NEIL3: variants seen among roughly 807,000 people sequenced by gnomAD.
The protein encoded by NEIL3 is endonuclease 8-like 3.
NEIL3 carries 48 observed loss-of-function variants against 57.5 expected under a neutral mutation model. The observed-to-expected ratio is 0.83, with a 90% CI of 0.66 to 1.06. The LOEUF is 1.06. Among genes scored for constraint, NEIL3 ranks in the 50% least tolerant of loss-of-function variants. The probability of loss-of-function intolerance (pLI) is 0.00; values close to 1 mark genes in which losing one functional copy is unlikely to be tolerated. For missense variants in NEIL3, 717 were observed against 739.1 expected (o/e 0.97, Z 0.35); for synonymous variants, 261 against 253.2 (o/e 1.03, Z -0.29).
downstream of NEIL3, among the ~76,000 whole-genome samples, chr4:177,363,971 T>C (rs925447418): frequency 3.9e-5 from 6 of 152,086 alleles, no homozygotes; most frequent in Non-Finnish European, 7.4e-5. Context: ...GCTGGTTTCT[T>C]CTGGGCTCAA....
At chr4:177,368,971 C>A in the NEIL3 span, among the ~76,000 whole-genome samples, 8 of 152,120 alleles carry the variant, frequency 5.3e-5, no homozygotes, top group African/African-American at 1.9e-4. Flanking sequence ...TCTTACAATG[C>A]CCATGACTTT....
At chr4:177,323,133 C>G (rs1284077481) in intron 2 of NEIL3, among the ~76,000 whole-genome samples, 1 of 152,126 alleles carries the variant, frequency 6.6e-6, no homozygotes, top group Non-Finnish European at 1.5e-5. Flanking sequence ...AACCTATTTC[C>G]TTTGTTGACT....
intron 6 of NEIL3, among the ~76,000 whole-genome samples, chr4:177,346,915 T>C (rs1735230983): frequency 6.6e-6 from 1 of 151,652 alleles, no homozygotes; most frequent in Non-Finnish European, 1.5e-5. Context: ...GGCAGGATAA[T>C]TGCTTCAACG....
At chr4:177,335,173 A>G (rs1011185428) in intron 2 of NEIL3, among the ~76,000 whole-genome samples, 1 of 152,230 alleles carries the variant, frequency 6.6e-6, no homozygotes, top group Non-Finnish European at 1.5e-5. Context: ...GGAAAAGAGC[A>G]TCTTAAACCA....
intron 4 of NEIL3, 122 bp downstream of exon 4, chr4:177,336,443 C>T: frequency 1.4e-6 from 1 of 717,126 alleles, no homozygotes; most frequent in Admixed American, 2.8e-5. Flanking sequence ...TGTCCCGCTT[C>T]CCATTTCTAC....
In NEIL3 at chr4:177,362,570, G is replaced by A; in HGVS notation, c.*99G>A. On this transcript the variant is annotated 3_prime_UTR_variant, in exon 10 of 10. Transcript: ENST00000264596. ...AGTCATAGAATATCTATGATACATT[G>A]AAAAGTTACTGCAATATTTGAGAAC... is the stretch of plus-strand genomic sequence containing the variant. 1 of 871,178 alleles carries A rather than the reference G, an allele frequency of 1.1e-6. No homozygotes were observed. The highest frequency in any genetic ancestry group is 3.1e-5 in the Admixed American group (1 of 32,498). 54.0% of individuals were successfully genotyped at this position (871,178 alleles called of 1,614,324 possible).
chr4:177,332,376 C>T lies in NEIL3; in HGVS notation c.279-3312C>T, dbSNP rs537872501. Among the ~76,000 whole-genome samples the T allele has an allele frequency of 7.9e-5, 12 of 152,210 alleles. No individual in the cohort carries two copies. In the South Asian group the frequency reaches 1.9e-3, roughly 24 times the overall value. ...GGTACCTTTGCTTGGGCTGGGTGGC[C>T]GAAGGGTTTCCGCTGCTGTCCTGTG... On this transcript the variant is annotated intron_variant, in intron 2 of 9. Coordinates refer to ENST00000264596, the MANE Select transcript of NEIL3 (RefSeq NM_018248.3).
At chr4:177,338,826 C>G (rs983298075) in intron 4 of NEIL3, among the ~76,000 whole-genome samples, 16 of 152,052 alleles carry the variant, frequency 1.1e-4, no homozygotes, top group Non-Finnish European at 1.9e-4. Context: ...ATTTTCCCTT[C>G]CCTTCTTTCT....
At chr4:177,334,267 G>A (rs942965825) in intron 2 of NEIL3, among the ~76,000 whole-genome samples, 2 of 151,856 alleles carry the variant, frequency 1.3e-5, no homozygotes, top group Admixed American at 1.3e-4. Flanking sequence ...ATAAACCCAC[G>A]AGATGTGTTG....
At chr4:177,348,548 C>T (rs117297072) in intron 6 of NEIL3, among the ~76,000 whole-genome samples, 3 of 152,210 alleles carry the variant, frequency 2.0e-5, no homozygotes, top group Admixed American at 6.5e-5. Flanking sequence ...AGCACCCAGG[C>T]GCCAGGATTA....
chr4:177,322,190 T>C (rs1407339820), intron 1 of NEIL3, among the ~76,000 whole-genome samples: 1 of 152,220 alleles, frequency 6.6e-6, no homozygotes, highest in Non-Finnish European at 1.5e-5. Context: ...CAGAGCTATA[T>C]GGTCCTGGAA....
At chr4:177,314,085 C>T (rs1158417395) in intron 1 of NEIL3, among the ~76,000 whole-genome samples, 2 of 152,110 alleles carry the variant, frequency 1.3e-5, no homozygotes, top group Admixed American at 1.3e-4. Flanking sequence ...AAATGAGGCT[C>T]ATTTCTTTAA....
chr4:177,329,501 G>A lies in NEIL3; in HGVS notation c.279-6187G>A, dbSNP rs563270329. Among the ~76,000 whole-genome samples, 5 of 152,026 alleles carry A rather than the reference G, an allele frequency of 3.3e-5. No individual in the cohort carries two copies. In the South Asian group the frequency reaches 1.0e-3, roughly 32 times the overall value. On this transcript the variant is annotated intron_variant, in intron 2 of 9. Coordinates refer to ENST00000264596, the MANE Select transcript of NEIL3 (RefSeq NM_018248.3). ...AAGGAATATTACTGAGGGTAAAGAA[G>A]GACATTAAAAAAAGATTAAGGGGTT...
rs973045074 is a variant in NEIL3, at chr4:177,318,307, CTGTT to C, written c.157-4146_157-4143del. Among the ~76,000 whole-genome samples the C allele has an allele frequency of 3.3e-5, 5 of 152,136 alleles. No individual in the cohort carries two copies. The East Asian group carries it at 7.7e-4, about 24-fold the overall frequency. On this transcript the variant is annotated intron_variant, in intron 1 of 9. Coordinates refer to ENST00000264596, the MANE Select transcript of NEIL3 (RefSeq NM_018248.3). Reference sequence around the variant, plus strand: ...AACCCTTACTTTTGTCAGTTTTTTCCTGTTTGTTTTTTCAATTGATCTCACCTGA... The same window carrying C: ...AACCCTTACTTTTGTCAGTTTTTTCCTGTTTTTTCAATTGATCTCACCTGA...
intron 1 of NEIL3, among the ~76,000 whole-genome samples, chr4:177,320,277 G>A (rs1467573010): frequency 1.3e-5 from 2 of 151,948 alleles, no homozygotes; most frequent in East Asian, 3.9e-4. Flanking sequence ...TAAAAAGAAG[G>A]CAAATGTGTT....
At chr4:177,330,313 A>G (rs1734857496) in intron 2 of NEIL3, among the ~76,000 whole-genome samples, 1 of 152,082 alleles carries the variant, frequency 6.6e-6, no homozygotes, top group Non-Finnish European at 1.5e-5. Context: ...GAAAATGAAA[A>G]CGCCAGATCA....
At chr4:177,322,146 C>T (rs563077442) in intron 1 of NEIL3, among the ~76,000 whole-genome samples, 5 of 152,276 alleles carry the variant, frequency 3.3e-5, no homozygotes, top group South Asian at 2.1e-4. Flanking sequence ...TTAGAACATT[C>T]GTGTTGTATT....
rs189959548 is a variant in NEIL3, at chr4:177,338,104, A to G, written c.628-1679A>G. Among the ~76,000 whole-genome samples the G allele has an allele frequency of 9.3e-4, 141 of 152,308 alleles. 1 individual carries two copies. Among genetic ancestry groups the G allele is most frequent in the Non-Finnish European group, 5.1e-4 (35 of 68,028 alleles). On this transcript the variant is annotated intron_variant, in intron 4 of 9. Coordinates refer to ENST00000264596, the MANE Select transcript of NEIL3 (RefSeq NM_018248.3). ...AAAGCACGTGCACAATTACTGAAAA[A>G]GTACAGTTTAACTTTTCAAGATGTG...
At chr4:177,342,628 T>C (rs962350614) in intron 6 of NEIL3, among the ~76,000 whole-genome samples, 1 of 152,156 alleles carries the variant, frequency 6.6e-6, no homozygotes, top group Non-Finnish European at 1.5e-5. Flanking sequence ...CTTGTTCCAC[T>C]CTTTCCCCCC....
Sources: allele counts gnomAD v4.1 joint callset (sites outside exome capture counted in the v4.1 genomes callset), GRCh38; gene constraint gnomAD v4.1.1; transcripts MANE v1.5; gene names NCBI Gene and HGNC (gene_info 2026-07-23, HGNC 2026-07-21).